CDH13: variants seen among roughly 807,000 people sequenced by gnomAD.
CDH13 encodes the protein cadherin 13, also known as cadherin-13.
In CDH13, 24 loss-of-function variants were observed where a neutral mutation model predicts 63.8. That is an observed-to-expected ratio of 0.38 (90% confidence interval 0.27 to 0.53). CDH13 has a LOEUF of 0.53. Ranked by LOEUF, CDH13 falls within the 20% of genes least tolerant of loss-of-function variation. CDH13 has a pLI of 0.85. For missense variants in CDH13, 1,049 were observed against 903.1 expected (o/e 1.16, Z -2.07); for synonymous variants, 503 against 355.3 (o/e 1.42, Z -4.67).
At chr16:83,522,635 C>T (rs1041295619) in intron 7 of CDH13, among the ~76,000 whole-genome samples, 7 of 152,200 alleles carry the variant, frequency 4.6e-5, no homozygotes, top group South Asian at 2.1e-4. Context: ...TTGCCGAGCG[C>T]AGTGGGTTCT....
intron 11 of CDH13, among the ~76,000 whole-genome samples, chr16:83,776,724 A>T (rs1368561912): frequency 6.6e-6 from 1 of 152,148 alleles, no homozygotes; most frequent in African/African-American, 2.4e-5. Flanking sequence ...TTCACTTCTT[A>T]TCCTCGTAGG....
At chr16:83,191,502 T>TACACAC (rs1157286256) in intron 4 of CDH13, among the ~76,000 whole-genome samples, 1 of 71,260 alleles carries the variant, frequency 1.4e-5, no homozygotes, top group African/African-American at 6.1e-5. Flanking sequence ...CATATATATA[T>TACACAC]ATACACACAC....
intron 5 of CDH13, among the ~76,000 whole-genome samples, chr16:83,338,351 G>T (rs967498807): frequency 6.6e-6 from 1 of 152,176 alleles, no homozygotes; most frequent in African/African-American, 2.4e-5. Flanking sequence ...AAGGACAGAT[G>T]GCCAGAGCTC....
chr16:83,075,678 C>G (rs1037643522), intron 3 of CDH13, among the ~76,000 whole-genome samples: 1 of 152,172 alleles, frequency 6.6e-6, no homozygotes, highest in Non-Finnish European at 1.5e-5. Context: ...AAAGTAATTA[C>G]AAGGAAATGC....
At chr16:82,840,403 C>T (rs1371761483) in intron 1 of CDH13, among the ~76,000 whole-genome samples, 5 of 148,700 alleles carry the variant, frequency 3.4e-5, no homozygotes, top group African/African-American at 9.9e-5. Context: ...AAAAACTTGG[C>T]CGGGTGCAGT....
rs71148847 is a variant in CDH13 at position 83,635,332 on chromosome 16, C to CTTTTT, written c.1101+32763_1101+32767dup. Among the ~76,000 whole-genome samples the CTTTTT allele has an allele frequency of 1.7e-3, 80 of 46,750 alleles. 7 individuals are homozygous for CTTTTT. The highest frequency in any genetic ancestry group is 6.6e-3 in the African/African-American group (67 of 10,128). 30.7% of individuals were successfully genotyped at this position (46,750 alleles called of 152,430 possible). ...ACTTTAACTTTTGCCCATTTTCTTT[C>CTTTTT]TTTTTTTTTTTTTTTTTTTTTTTTT... On this transcript the variant is annotated intron_variant, in intron 8 of 13. Coordinates refer to ENST00000567109, the MANE Select transcript of CDH13 (RefSeq NM_001257.5).
intron 7 of CDH13, among the ~76,000 whole-genome samples, chr16:83,533,701 A>C (rs1199637079): frequency 6.7e-6 from 1 of 148,490 alleles, no homozygotes; most frequent in East Asian, 2.0e-4. Context: ...GCTCACTGCA[A>C]CCTCCACCTC....
chr16:82,632,098 A>G (rs935197161), intron 1 of CDH13, among the ~76,000 whole-genome samples: 1 of 152,172 alleles, frequency 6.6e-6, no homozygotes, highest in African/African-American at 2.4e-5. Flanking sequence ...TCCACACTTC[A>G]ACATGGCCGT....
At chr16:83,316,017 G>A (rs1045247670) in intron 5 of CDH13, among the ~76,000 whole-genome samples, 1 of 152,176 alleles carries the variant, frequency 6.6e-6, no homozygotes, top group South Asian at 2.1e-4. Context: ...GTTCTGCAGG[G>A]CTTAGGAGGC....
intron 7 of CDH13, among the ~76,000 whole-genome samples, chr16:83,542,236 T>A (rs1291258714): frequency 6.6e-6 from 1 of 152,212 alleles, no homozygotes; most frequent in African/African-American, 2.4e-5. Flanking sequence ...GGTTGCACCT[T>A]AGAGTCACCC....
chr16:83,563,781 T>A (rs2075746663), intron 7 of CDH13, among the ~76,000 whole-genome samples: 1 of 152,082 alleles, frequency 6.6e-6, no homozygotes. Flanking sequence ...CCTGCCCTAT[T>A]TTCTGCCTTT....
chr16:82,824,773 A>G (rs117204538), intron 1 of CDH13: 4 of 152,374 alleles, frequency 2.6e-5, no homozygotes, highest in Non-Finnish European at 4.4e-5. Context: ...AGATGTATCA[A>G]TCATAATCTT....
At chr16:83,046,317 C>G (rs148628160) in intron 3 of CDH13, among the ~76,000 whole-genome samples, 5 of 152,146 alleles carry the variant, frequency 3.3e-5, no homozygotes, top group African/African-American at 4.8e-5. Flanking sequence ...CATCAAAAAA[C>G]AAATATTGTA....
At chr16:83,367,411 T>C (rs1440583306) in intron 6 of CDH13, among the ~76,000 whole-genome samples, 1 of 152,228 alleles carries the variant, frequency 6.6e-6, no homozygotes, top group Non-Finnish European at 1.5e-5. Context: ...GGACATCGGG[T>C]TGTTACTACT....
chr16:83,048,948 C>T (rs906947158), intron 3 of CDH13, among the ~76,000 whole-genome samples: 16 of 152,098 alleles, frequency 1.1e-4, no homozygotes, highest in Non-Finnish European at 2.1e-4. Context: ...CTTAATACTC[C>T]GAAATGGAGC....
chr16:83,369,052 A>C (rs1229296496), intron 6 of CDH13, among the ~76,000 whole-genome samples: 2 of 150,848 alleles, frequency 1.3e-5, no homozygotes, highest in African/African-American at 4.9e-5. Flanking sequence ...TTTTCGTATA[A>C]TGACTTCTTT....
At chr16:82,938,049 G>A (rs2042723378) in intron 2 of CDH13, among the ~76,000 whole-genome samples, 1 of 152,136 alleles carries the variant, frequency 6.6e-6, no homozygotes, top group Admixed American at 6.6e-5. Context: ...AGAAGAAAAA[G>A]AAAAAGCAGC....
Position 83,557,566 on chromosome 16 carries a change from C to T in CDH13, c.961-44888C>T, listed in dbSNP as rs976095858. Among the ~76,000 whole-genome samples, 7 of 152,224 alleles carry T rather than the reference C, an allele frequency of 4.6e-5. No homozygotes were observed. In the East Asian group the frequency reaches 7.7e-4, roughly 17 times the overall value. ...AAGCCTTTCGGAAATAGTACAGATA[C>T]GGAAACAGGGGCATCTAAAAGTCGG... On this transcript the variant is annotated intron_variant, in intron 7 of 13. Transcript: ENST00000567109.
intron 1 of CDH13, among the ~76,000 whole-genome samples, chr16:82,852,530 C>G (rs916318949): frequency 2.0e-5 from 3 of 152,200 alleles, no homozygotes; most frequent in Admixed American, 1.3e-4. Flanking sequence ...TCCTTCCACC[C>G]TTATTCTGTT....
Sources: allele counts gnomAD v4.1 joint callset (sites outside exome capture counted in the v4.1 genomes callset), GRCh38; gene constraint gnomAD v4.1.1; transcripts MANE v1.5; gene names NCBI Gene and HGNC (gene_info 2026-07-23, HGNC 2026-07-21).